Variants in EP300 observed in about 807,000 individuals in gnomAD.
EP300 encodes histone acetyltransferase p300.
In EP300, 31 loss-of-function variants were observed where a neutral mutation model predicts 264.0. The ratio of observed to expected loss-of-function variants is 0.12; its 90% CI spans 0.09 to 0.16. The LOEUF is 0.16. EP300 is among the 10% of genes least tolerant of loss of function. EP300 has a pLI of 1.00. For synonymous variants in EP300, 1,340 were observed against 1,045.4 expected, an observed-to-expected ratio of 1.28 and a Z score of -5.44; for missense variants, 2,766 against 3,052.9, an observed-to-expected ratio of 0.91 and a Z score of 2.21.
intron 1 of EP300, among the ~76,000 whole-genome samples, chr22:41,098,727 A>G (rs181110358): frequency 1.3e-5 from 2 of 152,292 alleles, no homozygotes; most frequent in East Asian, 3.9e-4. Flanking sequence ...GAAAAGAGTA[A>G]GAGAGTAGCT....
In EP300 at chr22:41,178,978, G is replaced by T; in HGVS notation, c.*22G>T. The stretch of plus-strand genomic sequence containing the variant: ...CTAGAGACACCTTGTAGTATTTTGG[G>T]AGCAAAAAAATTATTTTCTCTTAAC... On this transcript the variant is annotated 3_prime_UTR_variant, in exon 31 of 31. Coordinates refer to ENST00000263253, the MANE Select transcript of EP300 (RefSeq NM_001429.4). 1 of 1,610,780 alleles carries T rather than the reference G, an allele frequency of 6.2e-7. No homozygotes were observed.
intron 10 of EP300, among the ~76,000 whole-genome samples, chr22:41,144,856 C>G (rs893528446): frequency 2.0e-5 from 3 of 151,914 alleles, no homozygotes; most frequent in Non-Finnish European, 4.4e-5. Context: ...ACTTAAAAAT[C>G]AGAAGATTTT....
intron 22 of EP300, among the ~76,000 whole-genome samples, chr22:41,164,623 G>A (rs2059125073): frequency 6.6e-6 from 1 of 152,202 alleles, no homozygotes; most frequent in African/African-American, 2.4e-5. Context: ...GCTGAGGGAA[G>A]AGAATCACTT....
chr22:41,118,992 C>T (rs1025136077), intron 2 of EP300, among the ~76,000 whole-genome samples: 1 of 145,118 alleles, frequency 6.9e-6, no homozygotes, highest in Admixed American at 7.5e-5. Context: ...TTCTGCCCCT[C>T]ACCCCCGCCA....
At position 41,177,343 on chromosome 22, in the gene EP300, A is replaced by C. The variant is rs746826181; in HGVS notation, c.5632A>C (p.Thr1878Pro). ...CCAGCCCACTTCTCAGCCTCAGCCTACCCCTCCCAATAGCATGCCACCCTA... is the reference window on the plus strand; with the variant it reads ...CCAGCCCACTTCTCAGCCTCAGCCTCCCCCTCCCAATAGCATGCCACCCTA... ...TPQPTSQPQP[T>P]PPNSMPPYLP... The change falls in exon 31 of 31, where the codon ACC becomes CCC. Residue 1878 changes from threonine to proline, a missense_variant. Transcript: ENST00000263253. 2 of 1,613,624 alleles carry C rather than the reference A, an allele frequency of 1.2e-6. No individual in the cohort carries two copies. The highest frequency in any genetic ancestry group is 2.2e-5 in the East Asian group (1 of 44,826).
At chr22:41,172,688 A>C (rs1204460874) in intron 28 of EP300, 25 bp downstream of exon 28, 1 of 1,605,304 alleles carries the variant, frequency 6.2e-7, no homozygotes, top group Admixed American at 1.7e-5. Flanking sequence ...TTTCCTTTGA[A>C]ACTTCTATCA....
chr22:41,145,055 C>T (rs1401636324), intron 10 of EP300, among the ~76,000 whole-genome samples: 1 of 152,158 alleles, frequency 6.6e-6, no homozygotes, highest in Non-Finnish European at 1.5e-5. Context: ...AACAGTTTTA[C>T]TTGGTATTAG....
intron 20 of EP300, 88 bp from the exon 21 acceptor site, chr22:41,162,635 A>T: frequency 9.9e-7 from 1 of 1,008,082 alleles, no homozygotes; most frequent in Non-Finnish European, 1.6e-6. Context: ...ATCTCTATAT[A>T]GGGTGAAGTT....
intron 1 of EP300, among the ~76,000 whole-genome samples, chr22:41,098,242 T>G (rs1279400381): frequency 6.6e-6 from 1 of 152,192 alleles, no homozygotes. Context: ...TCATGGGAAA[T>G]TACTGCTCAC....
At chr22:41,145,975 G>A (rs1277169358) in intron 10 of EP300, among the ~76,000 whole-genome samples, 1 of 152,010 alleles carries the variant, frequency 6.6e-6, no homozygotes, top group East Asian at 1.9e-4. Flanking sequence ...GATATGTAGT[G>A]TGGTATAATA....
At chr22:41,131,271 T>C in intron 5 of EP300, 117 bp from the exon 6 acceptor site, 1 of 1,149,052 alleles carries the variant, frequency 8.7e-7, no homozygotes, top group Non-Finnish European at 1.3e-6. Flanking sequence ...AAGATCCACA[T>C]ACTCAGATGT....
intron 1 of EP300, among the ~76,000 whole-genome samples, chr22:41,111,340 G>A (rs1569087161): frequency 6.6e-6 from 1 of 152,102 alleles, no homozygotes; most frequent in Admixed American, 6.5e-5. Flanking sequence ...ACTTTGATAC[G>A]TTTATATTTA....
rs1421170498 is a variant in EP300, at chr22:41,176,760, G to GT, written c.5062-7dup. The GT allele has an allele frequency of 1.2e-6, 2 of 1,613,756 alleles. No individual in the cohort carries two copies. Among genetic ancestry groups the GT allele is most frequent in the Non-Finnish European group, 1.7e-6 (2 of 1,180,036 alleles). On this transcript the variant is annotated splice_polypyrimidine_tract_variant and intron_variant, in intron 30 of 30. Coordinates refer to ENST00000263253, the MANE Select transcript of EP300 (RefSeq NM_001429.4). Reference sequence around the variant, plus strand: ...CTTGGAGAGTTTACGTGCACCTCCTGTTTTTTCCCTAGGATTATGACTTGT... The same window carrying GT: ...CTTGGAGAGTTTACGTGCACCTCCTGTTTTTTTCCCTAGGATTATGACTTGT...
At chr22:41,107,748 T>G (rs1273431049) in intron 1 of EP300, among the ~76,000 whole-genome samples, 1 of 152,234 alleles carries the variant, frequency 6.6e-6, no homozygotes, top group Non-Finnish European at 1.5e-5. Flanking sequence ...TTGCCCAAAC[T>G]GGAGTGCATT....
Position 41,176,769 on chromosome 22 carries a change from C to T in EP300, c.5062-4C>T. ...TTTACGTGCACCTCCTGTTTTTTCC[C>T]TAGGATTATGACTTGTGTATCACCT... On this transcript the variant is annotated splice_region_variant and splice_polypyrimidine_tract_variant and intron_variant, in intron 30 of 30. Coordinates refer to ENST00000263253, the MANE Select transcript of EP300 (RefSeq NM_001429.4). The T allele has an allele frequency of 6.2e-7, 1 of 1,613,878 alleles. No individual in the cohort carries two copies. The highest frequency in any genetic ancestry group is 8.5e-7 in the Non-Finnish European group (1 of 1,180,006).
In EP300 at chr22:41,117,379, G is replaced by A. The variant is rs779548244; in HGVS notation, c.287G>A (p.Gly96Glu). The A allele has an allele frequency of 5.0e-6, 8 of 1,614,156 alleles. No homozygotes were observed. Among genetic ancestry groups the A allele is most frequent in the Non-Finnish European group, 5.9e-6 (7 of 1,180,026 alleles). Residue 96 changes from glycine (G) to glutamate (E), a missense_variant, in exon 2 of 31, where the codon GGA (glycine) becomes GAA (glutamate). Gly to Glu is a moderately conservative substitution (Grantham distance 98). Coordinates refer to ENST00000263253, the MANE Select transcript of EP300 (RefSeq NM_001429.4). ...GGTAGTTCCCCTAACCTCAATATGG[G>A]AGTTGGTGGCCCAGGTCAAGTCATG... ...RSGSSPNLNM[G>E]VGGPGQVMAS...
At chr22:41,160,595 T>G (rs1804499080) in intron 19 of EP300, 47 bp from the exon 20 acceptor site, 1 of 1,591,186 alleles carries the variant, frequency 6.3e-7, no homozygotes, top group South Asian at 1.1e-5. Flanking sequence ...TTGGGCTGTG[T>G]TGTGTGAACG....
intron 1 of EP300, among the ~76,000 whole-genome samples, chr22:41,103,573 G>C (rs886251398): frequency 1.3e-5 from 2 of 152,200 alleles, no homozygotes; most frequent in Non-Finnish European, 2.9e-5. Flanking sequence ...AACAGGGTTG[G>C]TGGAAATTAA....
intron 1 of EP300, among the ~76,000 whole-genome samples, chr22:41,109,559 C>A (rs1233267686): frequency 6.6e-6 from 1 of 152,062 alleles, no homozygotes; most frequent in African/African-American, 2.4e-5. Context: ...TGTAATGAGT[C>A]CATTGAATAA....
Sources: gnomAD v4.1 joint callset for allele counts (sites outside exome capture counted in the v4.1 genomes callset) on GRCh38, gnomAD v4.1.1 for gene constraint, MANE v1.5 for transcripts, NCBI Gene and HGNC (gene_info 2026-07-23, HGNC 2026-07-21) for gene names.